The following FRMD6 variants were observed in gnomAD, a reference collection of about 807,000 sequenced individuals.
FRMD6 encodes FERM domain-containing protein 6.
Under a neutral mutation model 73.2 loss-of-function variants are expected in FRMD6, and 37 were observed. The observed-to-expected ratio is 0.51, with a 90% CI of 0.39 to 0.66. The LOEUF (loss-of-function observed/expected upper bound fraction) is 0.66, where lower values mean the gene tolerates loss of function less well. Ranked by LOEUF, FRMD6 falls within the 30% of genes least tolerant of loss-of-function variation. FRMD6 has a pLI of 0.00. For synonymous variants in FRMD6, 273 were observed against 282.2 expected, an observed-to-expected ratio of 0.97 and a Z score of 0.33; for missense variants, 714 against 780.5, an observed-to-expected ratio of 0.91 and a Z score of 1.02.
chr14:51,591,678 G>C (rs2139735121), intron 2 of FRMD6, among the ~76,000 whole-genome samples: 1 of 152,278 alleles, frequency 6.6e-6, no homozygotes, highest in South Asian at 2.1e-4. Context: ...AGTTAGCTCA[G>C]ATTACAGGTG....
chr14:51,691,588 A>ATTTTTTTT lies in FRMD6; in HGVS notation c.99+1670_99+1677dup, dbSNP rs758677611. 8.4e-4 allele frequency among the ~76,000 whole-genome samples: 63 copies of ATTTTTTTT among 75,154 alleles called. 1 individual carries two copies. Among genetic ancestry groups the ATTTTTTTT allele is most frequent in the Non-Finnish European group, 1.3e-3 (47 of 35,794 alleles). 49.3% of individuals were successfully genotyped at this position (75,154 alleles called of 152,430 possible). Reference sequence around the variant, plus strand: ...TTTTTATTTATTTATTTTGATTTTGATTTTTTTTTTTTTTTTTTTTTTTTG... The same window carrying ATTTTTTTT: ...TTTTTATTTATTTATTTTGATTTTGATTTTTTTTTTTTTTTTTTTTTTTTTTTTTTTTG... On this transcript the variant is annotated intron_variant, in intron 2 of 13. Transcript: ENST00000344768.
At chr14:51,524,535 A>AC (rs1038167288) in intron 1 of FRMD6, among the ~76,000 whole-genome samples, 1 of 146,762 alleles carries the variant, frequency 6.8e-6, no homozygotes, top group Non-Finnish European at 1.5e-5. Context: ...TATTTTTATG[A>AC]CGGGGGGGGT....
At chr14:51,552,421 T>C (rs1426916982) in intron 1 of FRMD6, among the ~76,000 whole-genome samples, 1 of 152,226 alleles carries the variant, frequency 6.6e-6, no homozygotes, top group Non-Finnish European at 1.5e-5. Context: ...CGAGTAGCCT[T>C]TGAATTCCCT....
intron 4 of FRMD6, 30 bp downstream of exon 4, chr14:51,701,189 T>A: frequency 7.5e-7 from 1 of 1,333,824 alleles, no homozygotes; most frequent in Non-Finnish European, 1.0e-6. Flanking sequence ...CAAAATTATT[T>A]TGATTTTTTT....
chr14:51,658,328 T>TTC (rs1555332144), intron 1 of FRMD6, among the ~76,000 whole-genome samples: 2,149 of 151,164 alleles, frequency 0.014, 54 homozygotes, highest in African/African-American at 0.047. Context: ...TTTCCCTTTT[T>TTC]TCTCTCTCTC....
At chr14:51,472,362 G>A in the FRMD6 span, among the ~76,000 whole-genome samples, 1 of 152,094 alleles carries the variant, frequency 6.6e-6, no homozygotes, top group Non-Finnish European at 1.5e-5. Flanking sequence ...GGAGTGCAGT[G>A]GTGCGATCTC....
intron 2 of FRMD6, among the ~76,000 whole-genome samples, chr14:51,644,732 T>C (rs1891988193): frequency 6.6e-6 from 1 of 152,242 alleles, no homozygotes; most frequent in African/African-American, 2.4e-5. Flanking sequence ...TGATCCAATA[T>C]GGACTATTTG....
At chr14:51,699,383 G>A (rs772283092) in intron 3 of FRMD6, among the ~76,000 whole-genome samples, 3 of 152,056 alleles carry the variant, frequency 2.0e-5, no homozygotes, top group Non-Finnish European at 4.4e-5. Flanking sequence ...GTAACTTTTA[G>A]TATTCCATGC....
chr14:51,570,564 C>T (rs542975934), intron 2 of FRMD6, among the ~76,000 whole-genome samples: 1 of 152,318 alleles, frequency 6.6e-6, no homozygotes, highest in Non-Finnish European at 1.5e-5. Flanking sequence ...ATTCCAAATA[C>T]ATTTGAGAGC....
chr14:51,455,539 C>G, the FRMD6 span, among the ~76,000 whole-genome samples: 1 of 152,270 alleles, frequency 6.6e-6, no homozygotes, highest in Admixed American at 6.5e-5. Context: ...CAGTGTTAAC[C>G]TGTCCCGGAC....
the FRMD6 span, among the ~76,000 whole-genome samples, chr14:51,443,047 A>G: frequency 6.6e-6 from 1 of 152,198 alleles, no homozygotes; most frequent in African/African-American, 2.4e-5. Context: ...AGGCACCAGG[A>G]TGGGGAAAAA....
At chr14:51,720,578 G>C in intron 11 of FRMD6, 188 bp downstream of exon 11, 1 of 596,852 alleles carries the variant, frequency 1.7e-6, no homozygotes, top group Non-Finnish European at 3.0e-6. Flanking sequence ...CATCCCTCTA[G>C]TTGTGATCCT....
the FRMD6 span, among the ~76,000 whole-genome samples, chr14:51,416,656 A>C: frequency 6.6e-6 from 1 of 152,188 alleles, no homozygotes; most frequent in African/African-American, 2.4e-5. Flanking sequence ...AGTTCTGTAG[A>C]TGTCTATTAG....
the FRMD6 span, among the ~76,000 whole-genome samples, chr14:51,476,494 T>C: frequency 6.6e-6 from 1 of 152,196 alleles, no homozygotes; most frequent in African/African-American, 2.4e-5. Flanking sequence ...CCTGCTTTAC[T>C]TGCACTCAAG....
chr14:51,396,923 G>C, the FRMD6 span: 1 of 152,194 alleles, frequency 6.6e-6, no homozygotes, highest in Non-Finnish European at 1.5e-5. Flanking sequence ...TATCCCTGTG[G>C]TTAGGGCTAA....
chr14:51,429,184 A>T, the FRMD6 span, among the ~76,000 whole-genome samples: 1 of 152,220 alleles, frequency 6.6e-6, no homozygotes, highest in Non-Finnish European at 1.5e-5. Flanking sequence ...TTCAGCTGCC[A>T]GCTAAATGCC....
intron 1 of FRMD6, among the ~76,000 whole-genome samples, chr14:51,500,921 A>G (rs1566779502): frequency 6.6e-6 from 1 of 152,226 alleles, no homozygotes; most frequent in Non-Finnish European, 1.5e-5. Flanking sequence ...GGCCTAAATT[A>G]GGAAGCAGAT....
chr14:51,607,037 A>G (rs1890287136), intron 2 of FRMD6, among the ~76,000 whole-genome samples: 1 of 152,048 alleles, frequency 6.6e-6, no homozygotes, highest in Non-Finnish European at 1.5e-5. Flanking sequence ...TCCCCAGTAG[A>G]TTGAATGATG....
intron 1 of FRMD6, among the ~76,000 whole-genome samples, chr14:51,555,802 CAAAA>C (rs796732938): frequency 1.1e-5 from 1 of 88,550 alleles, no homozygotes; most frequent in African/African-American, 4.2e-5. Context: ...AATTCTGACT[CAAAA>C]AAAAAAAAAA....
Sources: allele counts gnomAD v4.1 joint callset (sites outside exome capture counted in the v4.1 genomes callset), GRCh38; gene constraint gnomAD v4.1.1; transcripts MANE v1.5; gene names NCBI Gene and HGNC (gene_info 2026-07-23, HGNC 2026-07-21).